The following ARHGAP24 variants were observed in gnomAD, a reference collection of about 807,000 sequenced individuals.
ARHGAP24 encodes the protein Rho GTPase activating protein 24.
In ARHGAP24, 50 loss-of-function variants were observed where a neutral mutation model predicts 76.4. The ratio of observed to expected loss-of-function variants is 0.65; its 90% CI spans 0.52 to 0.83. The LOEUF (loss-of-function observed/expected upper bound fraction) is 0.83. Ranked by LOEUF, ARHGAP24 falls within the 40% of genes least tolerant of loss-of-function variation. The pLI, the probability that ARHGAP24 is intolerant of heterozygous loss-of-function variation, is 0.00. For missense variants in ARHGAP24, 930 were observed against 914.2 expected (o/e 1.02, Z -0.22); for synonymous variants, 345 against 323.3 (o/e 1.07, Z -0.72).
chr4:85,610,375 T>C (rs182004922), intron 2 of ARHGAP24, among the ~76,000 whole-genome samples: 1 of 119,864 alleles, frequency 8.3e-6, no homozygotes, highest in African/African-American at 3.2e-5. Flanking sequence ...ACCTGGGAGG[T>C]GGAGCTTTCA....
rs1578197617 is a variant in ARHGAP24, at chr4:85,517,626, G to A, written c.-21+42067G>A. Among the ~76,000 whole-genome samples the A allele has an allele frequency of 2.0e-5, 3 of 152,004 alleles. 1 individual carries two copies. Among genetic ancestry groups the A allele is most frequent in the African/African-American group, 7.2e-5 (3 of 41,500 alleles). On this transcript the variant is annotated intron_variant, in intron 1 of 9. Transcript: ENST00000395184. ...TTTCATGTTGCCTTGACATTTTAGT[G>A]TTTTCTTATTAATTTATATGAACAT...
At position 85,593,603 on chromosome 4, in the gene ARHGAP24, T is replaced by C. The variant is rs116131972; in HGVS notation, c.180+22882T>C. Among the ~76,000 whole-genome samples the C allele has an allele frequency of 3.9e-3, 601 of 152,290 alleles. 3 individuals are homozygous for C. Among genetic ancestry groups the C allele is most frequent in the Non-Finnish European group, 6.6e-3 (447 of 67,996 alleles). On this transcript the variant is annotated intron_variant, in intron 2 of 9. Transcript: ENST00000395184. The stretch of plus-strand genomic sequence containing the variant: ...CATAGTTTGAAGTCTTATACTTAAA[T>C]CCTAATCCATTTTGATTTGATTTGT...
At chr4:85,813,274 A>G (rs924695738) in intron 3 of ARHGAP24, among the ~76,000 whole-genome samples, 1 of 152,234 alleles carries the variant, frequency 6.6e-6, no homozygotes, top group Non-Finnish European at 1.5e-5. Flanking sequence ...GAAGCAGTTC[A>G]TTTGAATTTC....
Position 85,684,916 on chromosome 4 carries a change from A to G in ARHGAP24, c.181-36969A>G, listed in dbSNP as rs372794514. Among the ~76,000 whole-genome samples the G allele has an allele frequency of 9.9e-5, 15 of 152,236 alleles. No individual in the cohort carries two copies. In the East Asian group the frequency reaches 1.7e-3, roughly 18 times the overall value. Reference sequence around the variant, plus strand: ...CTGAGGTCTCAACAAAGTGTCCTACAGTAACACTCTGTAGATGTTTACTGC... The same window carrying G: ...CTGAGGTCTCAACAAAGTGTCCTACGGTAACACTCTGTAGATGTTTACTGC... On this transcript the variant is annotated intron_variant, in intron 2 of 9. Coordinates refer to ENST00000395184, the MANE Select transcript of ARHGAP24 (RefSeq NM_001025616.3).
At chr4:85,623,294 C>T (rs1720792335) in intron 2 of ARHGAP24, among the ~76,000 whole-genome samples, 2 of 152,066 alleles carry the variant, frequency 1.3e-5, no homozygotes, top group South Asian at 2.1e-4. Context: ...GGAAGGGATC[C>T]AGTTTCAGCT....
At chr4:85,515,907 A>T (rs965091368) in intron 1 of ARHGAP24, among the ~76,000 whole-genome samples, 7 of 152,182 alleles carry the variant, frequency 4.6e-5, no homozygotes, top group Admixed American at 4.6e-4. Context: ...AATACGTAAC[A>T]GTGTTTCTGC....
intron 3 of ARHGAP24, among the ~76,000 whole-genome samples, chr4:85,919,615 T>G (rs775563804): frequency 2.0e-5 from 3 of 152,146 alleles, no homozygotes; most frequent in Non-Finnish European, 4.4e-5. Flanking sequence ...TAAATGAGAT[T>G]CAGGGTCAGA....
chr4:85,724,735 C>A (rs915229828), intron 3 of ARHGAP24, among the ~76,000 whole-genome samples: 1 of 151,510 alleles, frequency 6.6e-6, no homozygotes, highest in Non-Finnish European at 1.5e-5. Flanking sequence ...ATAAATCTAC[C>A]ATGTTTTAGG....
chr4:85,622,498 G>A (rs1720757839), intron 2 of ARHGAP24, among the ~76,000 whole-genome samples: 1 of 152,124 alleles, frequency 6.6e-6, no homozygotes, highest in African/African-American at 2.4e-5. Flanking sequence ...GTCTATCGTT[G>A]TTGGACATTT....
At chr4:85,608,544 TTTGG>T (rs1248917096) in intron 2 of ARHGAP24, among the ~76,000 whole-genome samples, 1 of 140,410 alleles carries the variant, frequency 7.1e-6, no homozygotes, top group East Asian at 2.1e-4. Context: ...TGTTTTTTTG[TTTGG>T]TTGTTTTTTT....
At position 85,794,065 on chromosome 4, in the gene ARHGAP24, A is replaced by T. The variant is rs190590430; in HGVS notation, c.268+72093A>T. ...GAAATGGCTTAATCAAACAATCCAA[A>T]TATATTAATATATCATAGAGAGGGA... On this transcript the variant is annotated intron_variant, in intron 3 of 9. Coordinates refer to ENST00000395184, the MANE Select transcript of ARHGAP24 (RefSeq NM_001025616.3). 5.0e-3 allele frequency among the ~76,000 whole-genome samples: 764 copies of T among 152,324 alleles called. 8 individuals carry two copies. The highest frequency in any genetic ancestry group is 6.8e-3 in the Middle Eastern group (2 of 294).
rs1157438342 is a variant in ARHGAP24 at position 85,485,411 on chromosome 4, ATATC to A, written c.-21+9854_-21+9857del. Among the ~76,000 whole-genome samples, 391 of 97,798 alleles carry A rather than the reference ATATC, an allele frequency of 4.0e-3. 11 individuals carry two copies. Among genetic ancestry groups the A allele is most frequent in the African/African-American group, 0.017 (375 of 22,558 alleles). The allele number at this position is 97,798 out of a possible 152,430, so 64.2% of individuals were successfully genotyped here. A position where few individuals can be genotyped will look rare whatever the true frequency, so the allele number is the denominator to read the frequency against. On this transcript the variant is annotated intron_variant, in intron 1 of 9. Coordinates refer to ENST00000395184, the MANE Select transcript of ARHGAP24 (RefSeq NM_001025616.3). Reference sequence around the variant, plus strand: ...TATATATATATATATATATATATATATATCTCCTTGGATTTTTAAAATGTAGGCT... The same window carrying A: ...TATATATATATATATATATATATATATCCTTGGATTTTTAAAATGTAGGCT...
Position 85,735,271 on chromosome 4 carries a change from AT to A in ARHGAP24, c.268+13300del, listed in dbSNP as rs373730502. Among the ~76,000 whole-genome samples, 155 of 152,322 alleles carry A rather than the reference AT, an allele frequency of 1.0e-3. 1 individual carries two copies. The highest frequency in any genetic ancestry group is 3.4e-3 in the African/African-American group (142 of 41,564). ...TTAGTTCTCTGAGTTTATAAAAAAAATAATAATCTCTTAACCACACTTCTCC... is the reference window on the plus strand; with the variant it reads ...TTAGTTCTCTGAGTTTATAAAAAAAAAATAATCTCTTAACCACACTTCTCC... On this transcript the variant is annotated intron_variant, in intron 3 of 9. Transcript: ENST00000395184.
intron 3 of ARHGAP24, among the ~76,000 whole-genome samples, chr4:85,792,949 A>G (rs1392913244): frequency 1.3e-5 from 2 of 152,180 alleles, no homozygotes; most frequent in Non-Finnish European, 2.9e-5. Flanking sequence ...TTCAGTACTG[A>G]AGAAATTCTT....
Position 85,711,817 on chromosome 4 carries a change from C to T in ARHGAP24, c.181-10068C>T, listed in dbSNP as rs146838150. 5.0e-3 allele frequency among the ~76,000 whole-genome samples: 767 copies of T among 152,202 alleles called. 5 individuals carry two copies. Among genetic ancestry groups the T allele is most frequent in the African/African-American group, 0.017 (726 of 41,522 alleles). ...CTTTCCACTTAATTTTTTAAACACACAGAGGGTTTATTAGTTAATTAAAAT... is the reference window on the plus strand; with the variant it reads ...CTTTCCACTTAATTTTTTAAACACATAGAGGGTTTATTAGTTAATTAAAAT... On this transcript the variant is annotated intron_variant, in intron 2 of 9. Coordinates refer to ENST00000395184, the MANE Select transcript of ARHGAP24 (RefSeq NM_001025616.3).
chr4:85,602,878 A>G (rs531355385), intron 2 of ARHGAP24, among the ~76,000 whole-genome samples: 1 of 152,328 alleles, frequency 6.6e-6, no homozygotes, highest in South Asian at 2.1e-4. Context: ...AAATCTTGCA[A>G]TGTGCATTTT....
chr4:85,972,174 T>C lies in ARHGAP24; in HGVS notation c.732+6T>C. The C allele has an allele frequency of 6.2e-7, 1 of 1,613,344 alleles. No individual in the cohort carries two copies. The highest frequency in any genetic ancestry group is 1.7e-4 in the Middle Eastern group (1 of 6,060). On this transcript the variant is annotated splice_donor_region_variant and intron_variant, in intron 6 of 9. Coordinates refer to ENST00000395184, the MANE Select transcript of ARHGAP24 (RefSeq NM_001025616.3). ...TCAGCAAGGAAGAGGAAGCAGTAAGTTGATGCATTTATTTCCAAATAAGCT... is the reference window on the plus strand; with the variant it reads ...TCAGCAAGGAAGAGGAAGCAGTAAGCTGATGCATTTATTTCCAAATAAGCT...
chr4:85,771,633 A>T (rs993870647), intron 3 of ARHGAP24, among the ~76,000 whole-genome samples: 1 of 152,218 alleles, frequency 6.6e-6, no homozygotes, highest in African/African-American at 2.4e-5. Context: ...ACAGCCCATT[A>T]TCTGTGAATG....
chr4:85,920,238 C>T (rs1735649028), intron 3 of ARHGAP24, among the ~76,000 whole-genome samples: 1 of 152,076 alleles, frequency 6.6e-6, no homozygotes, highest in South Asian at 2.1e-4. Flanking sequence ...TCTACTTTTG[C>T]CTAACACAGT....
Sources: allele counts gnomAD v4.1 joint callset (sites outside exome capture counted in the v4.1 genomes callset), GRCh38; gene constraint gnomAD v4.1.1; transcripts MANE v1.5; gene names NCBI Gene and HGNC (gene_info 2026-07-23, HGNC 2026-07-21).